Variants in SPOCK1 observed in about 807,000 individuals in gnomAD.
SPOCK1 encodes testican-1.
A neutral mutation model predicts 55.3 loss-of-function variants in SPOCK1; 23 were observed. The ratio of observed to expected loss-of-function variants is 0.42; its 90% CI spans 0.30 to 0.59. The LOEUF is 0.59. SPOCK1 is among the 20% of genes least tolerant of loss of function. The pLI is 0.22. For synonymous variants in SPOCK1, 226 were observed against 221.0 expected (o/e 1.02, Z -0.20); for missense variants, 499 against 552.5 (o/e 0.90, Z 0.97).
intron 6 of SPOCK1, among the ~76,000 whole-genome samples, chr5:137,032,918 G>A (rs1431842641): frequency 2.0e-5 from 3 of 152,198 alleles, no homozygotes; most frequent in Non-Finnish European, 4.4e-5. Context: ...TTCACCAGGT[G>A]TAAAGGGATT....
intron 6 of SPOCK1, among the ~76,000 whole-genome samples, chr5:137,055,248 T>C (rs552949423): frequency 7.2e-5 from 11 of 152,298 alleles, no homozygotes; most frequent in African/African-American, 2.4e-4. Flanking sequence ...AGAAAGAGCA[T>C]AGGACCTGGG....
At chr5:137,433,832 G>C (rs1046729573) in intron 2 of SPOCK1, among the ~76,000 whole-genome samples, 7 of 152,050 alleles carry the variant, frequency 4.6e-5, no homozygotes, top group Admixed American at 3.9e-4. Context: ...TTATCTAAAT[G>C]GAAGGCAAGT....
At chr5:137,015,642 G>A (rs558308493) in intron 6 of SPOCK1, among the ~76,000 whole-genome samples, 2 of 152,308 alleles carry the variant, frequency 1.3e-5, no homozygotes, top group Non-Finnish European at 2.9e-5. Context: ...TTCTCAGCAT[G>A]GGAGAAAATG....
intron 2 of SPOCK1, among the ~76,000 whole-genome samples, chr5:137,429,883 T>A (rs1752707089): frequency 2.0e-5 from 3 of 152,212 alleles, no homozygotes; most frequent in Admixed American, 6.5e-5. Context: ...ATGGCAGAAA[T>A]TAAGCAAGCT....
At chr5:137,069,342 T>C (rs1752566196) in intron 5 of SPOCK1, among the ~76,000 whole-genome samples, 1 of 152,196 alleles carries the variant, frequency 6.6e-6, no homozygotes, top group Non-Finnish European at 1.5e-5. Context: ...AAACTTCCTC[T>C]TGTGCATATT....
At chr5:137,493,348 G>C (rs149879318) in intron 2 of SPOCK1, among the ~76,000 whole-genome samples, 2 of 152,128 alleles carry the variant, frequency 1.3e-5, no homozygotes, top group Non-Finnish European at 2.9e-5. Flanking sequence ...CAAGTATTAC[G>C]GGTCCATTAT....
intron 5 of SPOCK1, among the ~76,000 whole-genome samples, chr5:137,079,543 C>CGCCG: frequency 6.8e-6 from 1 of 147,940 alleles, no homozygotes; most frequent in Non-Finnish European, 1.5e-5. Flanking sequence ...TCCCCCCCCC[C>CGCCG]CCGACTTAGT....
intron 2 of SPOCK1, among the ~76,000 whole-genome samples, chr5:137,360,772 T>C (rs1395771814): frequency 2.6e-5 from 4 of 152,216 alleles, no homozygotes; most frequent in African/African-American, 4.8e-5. Flanking sequence ...GATCAGGGTT[T>C]CTCAAACTTC....
chr5:137,087,850 G>T (rs184465044), intron 5 of SPOCK1, among the ~76,000 whole-genome samples: 2 of 124,486 alleles, frequency 1.6e-5, no homozygotes, highest in African/African-American at 5.8e-5. Flanking sequence ...AGAAAAAAGT[G>T]TGTAAACCAA....
At chr5:137,105,785 T>C (rs1417064905) in intron 5 of SPOCK1, among the ~76,000 whole-genome samples, 1 of 152,232 alleles carries the variant, frequency 6.6e-6, no homozygotes, top group Non-Finnish European at 1.5e-5. Context: ...CAGCAGTTCT[T>C]AACTCTGCGT....
intron 2 of SPOCK1, among the ~76,000 whole-genome samples, chr5:137,307,137 C>T (rs568877731): frequency 3.0e-4 from 46 of 152,302 alleles, no homozygotes; most frequent in African/African-American, 9.9e-4. Context: ...ACATATCCAA[C>T]GCCCAGTAAA....
At chr5:137,010,340 G>A (rs574400526) in intron 6 of SPOCK1, among the ~76,000 whole-genome samples, 3 of 152,154 alleles carry the variant, frequency 2.0e-5, no homozygotes, top group Non-Finnish European at 4.4e-5. Context: ...GTCATGGCCA[G>A]CATGTACGTT....
chr5:137,394,361 T>G (rs12655224), intron 2 of SPOCK1, among the ~76,000 whole-genome samples: 9,453 of 152,290 alleles, frequency 0.062, 340 homozygotes, highest in Non-Finnish European at 0.076. Flanking sequence ...CTCTGAATTT[T>G]ATGACAATTC....
intron 3 of SPOCK1, among the ~76,000 whole-genome samples, chr5:137,218,232 T>G (rs1267986900): frequency 6.6e-6 from 1 of 152,234 alleles, no homozygotes; most frequent in Non-Finnish European, 1.5e-5. Flanking sequence ...GGGTTGGAAG[T>G]AGAATCTTGG....
chr5:137,143,318 T>G (rs190550404), intron 3 of SPOCK1, among the ~76,000 whole-genome samples: 1 of 152,318 alleles, frequency 6.6e-6, no homozygotes, highest in Non-Finnish European at 1.5e-5. Flanking sequence ...TATTTTTGCC[T>G]CTGTATCCAA....
intron 3 of SPOCK1, among the ~76,000 whole-genome samples, chr5:137,153,018 A>G (rs1249752985): frequency 6.6e-6 from 1 of 152,236 alleles, no homozygotes; most frequent in Non-Finnish European, 1.5e-5. Flanking sequence ...GACTAAAGAC[A>G]GTGTCTATCC....
Position 137,322,336 on chromosome 5 carries a change from GA to G in SPOCK1, c.187-55282del, listed in dbSNP as rs112760930. ...CATCAGAGTGAGATGCTGTCTCAAG[GA>G]AAAAAAAAAAAACACACACACACAC... On this transcript the variant is annotated intron_variant, in intron 2 of 10. Coordinates refer to ENST00000394945, the MANE Select transcript of SPOCK1 (RefSeq NM_004598.4). 4.0e-3 allele frequency among the ~76,000 whole-genome samples: 571 copies of G among 141,564 alleles called. 9 individuals carry two copies. Among genetic ancestry groups the G allele is most frequent in the Middle Eastern group, 0.015 (4 of 268 alleles). 92.9% of individuals were successfully genotyped at this position (141,564 alleles called of 152,430 possible). A position where few individuals can be genotyped will look rare whatever the true frequency, so the allele number is the denominator to read the frequency against.
intron 6 of SPOCK1, among the ~76,000 whole-genome samples, chr5:137,031,338 C>T (rs920320583): frequency 5.3e-5 from 8 of 152,132 alleles, no homozygotes; most frequent in Non-Finnish European, 1.0e-4. Flanking sequence ...CAAAATTCAC[C>T]GGCTCTCATG....
At chr5:137,009,356 C>T (rs887332495) in intron 6 of SPOCK1, among the ~76,000 whole-genome samples, 1 of 152,048 alleles carries the variant, frequency 6.6e-6, no homozygotes, top group African/African-American at 2.4e-5. Context: ...TATAGTATAT[C>T]CACCAATGGA....
Sources: allele counts gnomAD v4.1 joint callset (sites outside exome capture counted in the v4.1 genomes callset), GRCh38; gene constraint gnomAD v4.1.1; transcripts MANE v1.5; gene names NCBI Gene and HGNC (gene_info 2026-07-23, HGNC 2026-07-21).